The following SSTR2 variants were observed in gnomAD, a reference collection of about 807,000 sequenced individuals.
SSTR2 encodes somatostatin receptor 2.
A neutral mutation model predicts 21.4 loss-of-function variants in SSTR2; 10 were observed. That is an observed-to-expected ratio of 0.47 (90% confidence interval 0.29 to 0.79). SSTR2 has a LOEUF of 0.79. Ranked by LOEUF, SSTR2 falls within the 30% of genes least tolerant of loss-of-function variation. SSTR2 has a pLI of 0.10. For missense variants in SSTR2, 364 were observed against 468.8 expected (o/e 0.78, Z 2.06); for synonymous variants, 177 against 181.3 (o/e 0.98, Z 0.19).
rs2061238748 is a variant in SSTR2, at chr17:73,172,578, A to G, written c.*2149A>G. 1 of 152,220 alleles carries G rather than the reference A, an allele frequency of 6.6e-6. No homozygotes were observed. Among genetic ancestry groups the G allele is most frequent in the Non-Finnish European group, 1.5e-5 (1 of 68,036 alleles). The allele number at this position is 152,220 out of a possible 1,614,324, so 9.4% of individuals were successfully genotyped here. ...ATATGTTCAATAAGATTTTGGATAG[A>G]TAAATCCATACAAAAATAAAAAGAG... is the stretch of plus-strand genomic sequence containing the variant. On this transcript the variant is annotated 3_prime_UTR_variant, in exon 2 of 2. Coordinates refer to ENST00000357585, the MANE Select transcript of SSTR2 (RefSeq NM_001050.3).
At position 73,171,921 on chromosome 17, in the gene SSTR2, CAAAAAAAAAAAAAAAAAAAAAAAAAA is replaced by C. The variant is rs61493168; in HGVS notation, c.*1503_*1528del. On this transcript the variant is annotated 3_prime_UTR_variant, in exon 2 of 2. Transcript: ENST00000357585. ...GAGCAACAAGAGCAAAACTCAGTCT[CAAAAAAAAAAAAAAAAAAAAAAAAAA>C]AAAAAAAAAAGGAAAACCACAATGC... is the stretch of plus-strand genomic sequence containing the variant. 5.6e-5 allele frequency: 1 copy of C among 17,958 alleles called. No homozygotes were observed. Among genetic ancestry groups the C allele is most frequent in the Non-Finnish European group, 9.5e-5 (1 of 10,480 alleles). 1.1% of individuals were successfully genotyped at this position (17,958 alleles called of 1,614,324 possible). A position where few individuals can be genotyped will look rare whatever the true frequency, so the allele number is the denominator to read the frequency against.
intron 1 of SSTR2, among the ~76,000 whole-genome samples, chr17:73,168,293 T>A (rs1357891908): frequency 1.3e-5 from 2 of 152,228 alleles, no homozygotes; most frequent in East Asian, 3.8e-4. Context: ...TGAAAGAGCT[T>A]GTGTCCCACA....
chr17:73,170,857 G>A lies in SSTR2; in HGVS notation c.*428G>A. On this transcript the variant is annotated 3_prime_UTR_variant, in exon 2 of 2. Coordinates refer to ENST00000357585, the MANE Select transcript of SSTR2 (RefSeq NM_001050.3). ...GTTCCTGTGTTTACATACACAAGTA[G>A]CAAATTCGAGTATGCATAGTGTAGA... 1 of 405,988 alleles carries A rather than the reference G, an allele frequency of 2.5e-6. No individual in the cohort carries two copies. The highest frequency in any genetic ancestry group is 5.0e-6 in the Non-Finnish European group (1 of 198,206). The allele number at this position is 405,988 out of a possible 1,614,324, so 25.1% of individuals were successfully genotyped here.
At chr17:73,166,166 G>A (rs1199284503) in intron 1 of SSTR2, among the ~76,000 whole-genome samples, 1 of 152,210 alleles carries the variant, frequency 6.6e-6, no homozygotes, top group Non-Finnish European at 1.5e-5. Context: ...TCTCAACCCC[G>A]TAGGCCAGCA....
chr17:73,170,976 C>A lies in SSTR2; in HGVS notation c.*547C>A. The A allele has an allele frequency of 3.1e-6, 1 of 325,040 alleles. No homozygotes were observed. The highest frequency in any genetic ancestry group is 6.4e-6 in the Non-Finnish European group (1 of 157,092). The allele number at this position is 325,040 out of a possible 1,614,324, so 20.1% of individuals were successfully genotyped here. On this transcript the variant is annotated 3_prime_UTR_variant, in exon 2 of 2. Coordinates refer to ENST00000357585, the MANE Select transcript of SSTR2 (RefSeq NM_001050.3). ...AGGGATCTCTCTTGCACGGGCCTTG[C>A]CAAGGCCCAGGAGGGACTTGGGCAG...
chr17:73,169,721 A>G lies in SSTR2; in HGVS notation c.402A>G (p.Thr134=). 1 of 1,614,234 alleles carries G rather than the reference A, an allele frequency of 6.2e-7. No homozygotes were observed. Among genetic ancestry groups the G allele is most frequent in the East Asian group, 2.2e-5 (1 of 44,888 alleles). Residue 134 remains threonine, a synonymous_variant, in exon 2 of 2, where the codon ACA becomes ACG. Coordinates refer to ENST00000357585, the MANE Select transcript of SSTR2 (RefSeq NM_001050.3). The surrounding 1 kb of genome is among the most constrained non-coding windows in gnomAD (Gnocchi z 5.2). Reference sequence around the variant, plus strand: ...AGTTCACCAGCATCTTCTGCCTGACAGTCATGAGCATCGACCGATACCTGG... The same window carrying G: ...AGTTCACCAGCATCTTCTGCCTGACGGTCATGAGCATCGACCGATACCTGG... The part of the protein sequence containing the change: ...INQFTSIFCL[T]VMSIDRYLAV...
At chr17:73,166,109 C>T (rs1277263791) in intron 1 of SSTR2, among the ~76,000 whole-genome samples, 1 of 152,246 alleles carries the variant, frequency 6.6e-6, no homozygotes. Context: ...CTTTCTGTGC[C>T]AGCCGGGAGC....
chr17:73,172,933 G>A lies in SSTR2; in HGVS notation c.*2504G>A, dbSNP rs1423142537. On this transcript the variant is annotated 3_prime_UTR_variant, in exon 2 of 2. Coordinates refer to ENST00000357585, the MANE Select transcript of SSTR2 (RefSeq NM_001050.3). ...AGACTAATTCTACAGGCCGGGCGTG[G>A]TGGCTTATGCCTGTAATCCCACACT... 2.0e-5 allele frequency: 3 copies of A among 152,212 alleles called. No homozygotes were observed. Among genetic ancestry groups the A allele is most frequent in the African/African-American group, 7.2e-5 (3 of 41,448 alleles). The allele number at this position is 152,212 out of a possible 1,614,324, so 9.4% of individuals were successfully genotyped here. A position where few individuals can be genotyped will look rare whatever the true frequency, so the allele number is the denominator to read the frequency against.
chr17:73,174,146 G>T lies in SSTR2; in HGVS notation c.*3717G>T, dbSNP rs1358865898. 1 of 145,758 alleles carries T rather than the reference G, an allele frequency of 6.9e-6. No homozygotes were observed. Among genetic ancestry groups the T allele is most frequent in the African/African-American group, 2.6e-5 (1 of 38,946 alleles). The allele number at this position is 145,758 out of a possible 1,614,324, so 9.0% of individuals were successfully genotyped here. A position where few individuals can be genotyped will look rare whatever the true frequency, so the allele number is the denominator to read the frequency against. ...TCCATCTCAAAAAAAAAAAAAAAAG[G>T]AAGAAGAAAAAGAAACTTAAGTGGG... is the stretch of plus-strand genomic sequence containing the variant. On this transcript the variant is annotated 3_prime_UTR_variant, in exon 2 of 2. Coordinates refer to ENST00000357585, the MANE Select transcript of SSTR2 (RefSeq NM_001050.3).
In SSTR2 at chr17:73,170,540, A is replaced by G; in HGVS notation, c.*111A>G. On this transcript the variant is annotated 3_prime_UTR_variant, in exon 2 of 2. Coordinates refer to ENST00000357585, the MANE Select transcript of SSTR2 (RefSeq NM_001050.3). The stretch of plus-strand genomic sequence containing the variant: ...CCCTCACACCTGGCTTCTAGAATAG[A>G]GGATTGCTCAGCATGAGTCCAATTC... 1 of 1,349,202 alleles carries G rather than the reference A, an allele frequency of 7.4e-7. No individual in the cohort carries two copies. Among genetic ancestry groups the G allele is most frequent in the African/African-American group, 1.4e-5 (1 of 69,016 alleles). The allele number at this position is 1,349,202 out of a possible 1,614,324, so 83.6% of individuals were successfully genotyped here.
chr17:73,165,335 T>TGTGTGTGA lies in SSTR2; in HGVS notation c.-93+48_-93+49insTGTGTGAG, dbSNP rs1491564085. ...GTGTGTGTGTGTGTGTGTGTGTGTG[T>TGTGTGTGA]GATAAGAGAGATGGAGGGAGCGAGA... On this transcript the variant is annotated intron_variant, in intron 1 of 1. Coordinates refer to ENST00000357585, the MANE Select transcript of SSTR2 (RefSeq NM_001050.3). 978 of 141,618 alleles carry TGTGTGTGA rather than the reference T, an allele frequency of 6.9e-3. 29 individuals are homozygous for TGTGTGTGA. Among genetic ancestry groups the TGTGTGTGA allele is most frequent in the East Asian group, 0.019 (89 of 4,620 alleles). 8.8% of individuals were successfully genotyped at this position (141,618 alleles called of 1,614,324 possible).
intron 1 of SSTR2, among the ~76,000 whole-genome samples, chr17:73,167,019 A>G (rs546625955): frequency 6.6e-6 from 1 of 152,242 alleles, no homozygotes; most frequent in African/African-American, 2.4e-5. Flanking sequence ...TTGGAGTGTG[A>G]CCATTCATGT....
chr17:73,173,612 G>A lies in SSTR2; in HGVS notation c.*3183G>A, dbSNP rs1458727512. 6.6e-6 allele frequency: 1 copy of A among 152,134 alleles called. No individual in the cohort carries two copies. The highest frequency in any genetic ancestry group is 1.9e-4 in the East Asian group (1 of 5,204). The allele number at this position is 152,134 out of a possible 1,614,324, so 9.4% of individuals were successfully genotyped here. ...AGACAAATCTGCTGGGTGCTGGGAG[G>A]GAATAAAAAGTAATGCACCCCATTG... On this transcript the variant is annotated 3_prime_UTR_variant, in exon 2 of 2. Transcript: ENST00000357585.
Position 73,170,306 on chromosome 17 carries a change from G to T in SSTR2, c.987G>T (p.Leu329Phe), listed in dbSNP as rs1568286379. ...FKKSFQNVLC[L>F]VKVSGTDDGE... is the part of the protein sequence containing the mutation. ...AGAGCTTCCAGAATGTCCTCTGCTT[G>T]GTCAAGGTGAGCGGCACAGATGATG... Residue 329 changes from leucine (L) to phenylalanine (F), a missense_variant, in exon 2 of 2, where the codon TTG (leucine) becomes TTT (phenylalanine). Physicochemically the swap from Leu to Phe is conservative, Grantham distance 22. Transcript: ENST00000357585. The T allele has an allele frequency of 6.2e-7, 1 of 1,613,912 alleles. No homozygotes were observed. The highest frequency in any genetic ancestry group is 1.7e-5 in the Admixed American group (1 of 59,974).
rs1336101061 is a variant in SSTR2, at chr17:73,169,283, G to A, written c.-37G>A. The A allele has an allele frequency of 6.3e-7, 1 of 1,588,298 alleles. No individual in the cohort carries two copies. Among genetic ancestry groups the A allele is most frequent in the East Asian group, 2.3e-5 (1 of 44,434 alleles). On this transcript the variant is annotated 5_prime_UTR_variant, in exon 2 of 2. Coordinates refer to ENST00000357585, the MANE Select transcript of SSTR2 (RefSeq NM_001050.3). This position sits in a 1 kb window ranked among gnomAD's most constrained non-coding sequence, Gnocchi z 5.2. ...CCATTAAGGTGAGAATAAGATCTCT[G>A]GGCTGGCTGGAACTAGCCTAAGACT...
intron 1 of SSTR2, among the ~76,000 whole-genome samples, chr17:73,166,884 C>G (rs1330106555): frequency 1.3e-5 from 2 of 152,172 alleles, no homozygotes; most frequent in African/African-American, 2.4e-5. Context: ...GTTAAAATGA[C>G]CGAGTTAGGG....
rs1208501580 is a variant in SSTR2, at chr17:73,175,021, G to A, written c.*4592G>A. Reference sequence around the variant, plus strand: ...AAAATAGAAAGAAAGAAAGAAAGGTGGCAAGAGAATTATCAAAAGTTTCCA... The same window carrying A: ...AAAATAGAAAGAAAGAAAGAAAGGTAGCAAGAGAATTATCAAAAGTTTCCA... On this transcript the variant is annotated 3_prime_UTR_variant, in exon 2 of 2. Transcript: ENST00000357585. 6.6e-6 allele frequency: 1 copy of A among 152,208 alleles called. No individual in the cohort carries two copies. The highest frequency in any genetic ancestry group is 1.5e-5 in the Non-Finnish European group (1 of 68,016). 9.4% of individuals were successfully genotyped at this position (152,208 alleles called of 1,614,324 possible). A position where few individuals can be genotyped will look rare whatever the true frequency, so the allele number is the denominator to read the frequency against.
Position 73,175,237 on chromosome 17 carries a change from T to G in SSTR2, c.*4808T>G, listed in dbSNP as rs2061245789. On this transcript the variant is annotated 3_prime_UTR_variant, in exon 2 of 2. Coordinates refer to ENST00000357585, the MANE Select transcript of SSTR2 (RefSeq NM_001050.3). The stretch of plus-strand genomic sequence containing the variant: ...CTGTCAGAGTAAACCTTTACCTAAG[T>G]GCTTGTTTTGCTTTTAATATGTGAA... 1 of 152,010 alleles carries G rather than the reference T, an allele frequency of 6.6e-6. No homozygotes were observed. The highest frequency in any genetic ancestry group is 2.4e-5 in the African/African-American group (1 of 41,400). 9.4% of individuals were successfully genotyped at this position (152,010 alleles called of 1,614,324 possible). A position where few individuals can be genotyped will look rare whatever the true frequency, so the allele number is the denominator to read the frequency against.
At chr17:73,166,020 C>T (rs2061215160) in intron 1 of SSTR2, among the ~76,000 whole-genome samples, 1 of 151,910 alleles carries the variant, frequency 6.6e-6, no homozygotes, top group African/African-American at 2.4e-5. Flanking sequence ...GCTCTTGCCT[C>T]GTCTTCCTGG....
Sources: allele counts gnomAD v4.1 joint callset (sites outside exome capture counted in the v4.1 genomes callset), GRCh38; gene constraint gnomAD v4.1.1; non-coding constraint Gnocchi (gnomAD v3.1); transcripts MANE v1.5; gene names NCBI Gene and HGNC (gene_info 2026-07-23, HGNC 2026-07-21).